Variants in ENAH observed in about 807,000 individuals in gnomAD.
The protein encoded by ENAH is ENAH actin regulator, also known as protein enabled homolog.
ENAH carries 23 observed loss-of-function variants against 78.7 expected under a neutral mutation model. The observed-to-expected ratio is 0.29, with a 90% CI of 0.21 to 0.41. ENAH has a LOEUF of 0.41. Ranked by LOEUF, ENAH falls within the 10% of genes least tolerant of loss-of-function variation. The probability of loss-of-function intolerance (pLI) is 1.00; values close to 1 mark genes in which losing one functional copy is unlikely to be tolerated. For missense variants in ENAH, 544 were observed against 691.0 expected (o/e 0.79, Z 2.39); for synonymous variants, 226 against 241.0 (o/e 0.94, Z 0.58).
chr1:225,588,882 C>T (rs1185115497), intron 1 of ENAH, among the ~76,000 whole-genome samples: 1 of 150,000 alleles, frequency 6.7e-6, no homozygotes, highest in African/African-American at 2.5e-5. Flanking sequence ...TCTGACAAGT[C>T]AATTTCAATG....
At chr1:225,530,912 C>T in intron 3 of ENAH, 1 of 418,648 alleles carries the variant, frequency 2.4e-6, no homozygotes, top group Middle Eastern at 6.2e-4. Context: ...TTGAGTAAAA[C>T]AAGTGTTCGA....
intron 1 of ENAH, among the ~76,000 whole-genome samples, chr1:225,573,554 ACTGTAGCTACTATG>A (rs2096773747): frequency 6.6e-6 from 1 of 152,210 alleles, no homozygotes; most frequent in Non-Finnish European, 1.5e-5. Flanking sequence ...TTTAAAGATA[ACTGTAGCTACTATG>A]TAGAGAAAAA....
In ENAH at chr1:225,530,646, G is replaced by A; in HGVS notation, c.350-8C>T. On this transcript the variant is annotated splice_region_variant and splice_polypyrimidine_tract_variant and intron_variant, in intron 3 of 13. Coordinates refer to ENST00000366843, the MANE Select transcript of ENAH (RefSeq NM_018212.6). ...GTCTAGGCAATGTTGGCCCTACAGA[G>A]GGAGAAAACATTACAGATGAACATT... The A allele has an allele frequency of 1.9e-6, 3 of 1,600,198 alleles. No individual in the cohort carries two copies. The highest frequency in any genetic ancestry group is 2.2e-5 in the South Asian group (2 of 90,668).
At chr1:225,642,912 A>G (rs1472214521) in intron 1 of ENAH, among the ~76,000 whole-genome samples, 2 of 152,232 alleles carry the variant, frequency 1.3e-5, no homozygotes, top group Admixed American at 1.3e-4. Flanking sequence ...TACCTATCAC[A>G]TTGGCAAAGA....
chr1:225,555,081 G>A lies in ENAH; in HGVS notation c.174C>T (p.Val58=), dbSNP rs1031115621. 5.9e-6 allele frequency: 9 copies of A among 1,518,892 alleles called. No homozygotes were observed. Among genetic ancestry groups the A allele is most frequent in the Non-Finnish European group, 8.1e-6 (9 of 1,117,368 alleles). The allele number at this position is 1,518,892 out of a possible 1,614,324, so 94.1% of individuals were successfully genotyped here. The part of the protein sequence containing the change: ...VVGRKIQDHQ[V]VINCAIPKGL... ...CTTTAGGAATGGCACAGTTTATCAC[G>A]ACCTAAAAAATAATAATTCTTTATA... Residue 58 remains valine, a splice_region_variant and synonymous_variant, in exon 3 of 14, where the codon GTC becomes GTT. Coordinates refer to ENST00000366843, the MANE Select transcript of ENAH (RefSeq NM_018212.6).
At chr1:225,509,318 G>A (rs1002792027) in intron 10 of ENAH, among the ~76,000 whole-genome samples, 4 of 152,138 alleles carry the variant, frequency 2.6e-5, no homozygotes, top group African/African-American at 4.8e-5. Context: ...AAGAGGCGGC[G>A]GGTGGAAGGA....
intron 3 of ENAH, 52 bp downstream of exon 3, chr1:225,554,854 G>C (rs1265012223): frequency 7.1e-7 from 1 of 1,400,934 alleles, no homozygotes; most frequent in East Asian, 2.3e-5. Context: ...CTTCAGTTTT[G>C]CTTTGTCTCT....
chr1:225,529,608 C>G (rs1372127337), intron 4 of ENAH, among the ~76,000 whole-genome samples: 1 of 152,096 alleles, frequency 6.6e-6, no homozygotes, highest in Non-Finnish European at 1.5e-5. Context: ...TTTGTTCCCT[C>G]CACTCTCCCC....
At chr1:225,570,565 T>A (rs2096756542) in intron 1 of ENAH, among the ~76,000 whole-genome samples, 1 of 152,200 alleles carries the variant, frequency 6.6e-6, no homozygotes, top group Admixed American at 6.5e-5. Flanking sequence ...AGGATGAAGA[T>A]CTCTATAATG....
chr1:225,642,536 G>C (rs531701628), intron 1 of ENAH, among the ~76,000 whole-genome samples: 12 of 152,066 alleles, frequency 7.9e-5, no homozygotes, highest in South Asian at 4.1e-4. Flanking sequence ...CAGCCAATCC[G>C]TAGCACATCT....
intron 3 of ENAH, among the ~76,000 whole-genome samples, chr1:225,538,207 T>G (rs1321485027): frequency 2.6e-5 from 4 of 152,118 alleles, no homozygotes; most frequent in Admixed American, 1.3e-4. Context: ...CTCTCATGAT[T>G]GCAAAGTTCT....
At chr1:225,522,696 T>C (rs559106335) in intron 4 of ENAH, among the ~76,000 whole-genome samples, 2 of 152,318 alleles carry the variant, frequency 1.3e-5, no homozygotes, top group South Asian at 4.1e-4. Context: ...CTGTATTAAA[T>C]TTCAGATAAT....
intron 1 of ENAH, among the ~76,000 whole-genome samples, chr1:225,607,635 A>C (rs1403478215): frequency 6.6e-6 from 1 of 152,170 alleles, no homozygotes; most frequent in Non-Finnish European, 1.5e-5. Flanking sequence ...TGGGAAGTTT[A>C]CACAGGAGAG....
chr1:225,615,804 C>T (rs1190141653), intron 1 of ENAH, among the ~76,000 whole-genome samples: 3 of 151,356 alleles, frequency 2.0e-5, no homozygotes, highest in Non-Finnish European at 4.4e-5. Context: ...CCCCTCTGCC[C>T]GGCCGCCACC....
chr1:225,498,290 A>C, intron 13 of ENAH, 57 bp downstream of exon 13: 1 of 1,397,862 alleles, frequency 7.2e-7, no homozygotes, highest in Non-Finnish European at 1.0e-6. Flanking sequence ...ATTTTCTTAA[A>C]AATGGTCAAT....
At chr1:225,520,437 C>A (rs1443434544) in intron 4 of ENAH, among the ~76,000 whole-genome samples, 1 of 152,182 alleles carries the variant, frequency 6.6e-6, no homozygotes, top group African/African-American at 2.4e-5. Context: ...CATACGCGCA[C>A]ACACGCACCC....
At chr1:225,560,415 C>T (rs528011469) in intron 2 of ENAH, among the ~76,000 whole-genome samples, 3 of 151,596 alleles carry the variant, frequency 2.0e-5, no homozygotes, top group African/African-American at 4.8e-5. Flanking sequence ...CACTTGAACC[C>T]GGGAGGCTAA....
chr1:225,611,938 C>T (rs533008217), intron 1 of ENAH, among the ~76,000 whole-genome samples: 1 of 152,098 alleles, frequency 6.6e-6, no homozygotes, highest in Non-Finnish European at 1.5e-5. Flanking sequence ...ATAATGTATT[C>T]GTGAGGATAT....
rs577833350 is a variant in ENAH, at chr1:225,597,500, T to C, written c.6-30086A>G. ...CATAGAAAGACTCTGTTTCTACAAA[T>C]TTAAAAATTAGCTGGGCATGGTGGT... On this transcript the variant is annotated intron_variant, in intron 1 of 13. Coordinates refer to ENST00000366843, the MANE Select transcript of ENAH (RefSeq NM_018212.6). Among the ~76,000 whole-genome samples, 14 of 151,684 alleles carry C rather than the reference T, an allele frequency of 9.2e-5. No individual in the cohort carries two copies. In the East Asian group the frequency reaches 2.7e-3, roughly 29 times the overall value.
Sources: gnomAD v4.1 joint callset for allele counts (sites outside exome capture counted in the v4.1 genomes callset) on GRCh38, gnomAD v4.1.1 for gene constraint, MANE v1.5 for transcripts, NCBI Gene and HGNC (gene_info 2026-07-23, HGNC 2026-07-21) for gene names.